DOCK9: variants seen among roughly 807,000 people sequenced by gnomAD.
DOCK9 encodes dedicator of cytokinesis protein 9.
DOCK9 carries 89 observed loss-of-function variants against 263.3 expected under a neutral mutation model. That is an observed-to-expected ratio of 0.34 (90% confidence interval 0.28 to 0.40). The LOEUF is 0.40. Ranked by LOEUF, DOCK9 falls within the 10% of genes least tolerant of loss-of-function variation. The pLI, the probability that DOCK9 is intolerant of heterozygous loss-of-function variation, is 1.00. For synonymous variants in DOCK9, 976 were observed against 973.1 expected, an observed-to-expected ratio of 1.00 and a Z score of -0.06; for missense variants, 2,140 against 2,603.4, an observed-to-expected ratio of 0.82 and a Z score of 3.87.
At chr13:98,997,446 A>G (rs1595865605) in intron 1 of DOCK9, among the ~76,000 whole-genome samples, 1 of 152,206 alleles carries the variant, frequency 6.6e-6, no homozygotes, top group Non-Finnish European at 1.5e-5. Context: ...TTGCCTAAAC[A>G]TCTGTAAAGA....
intron 1 of DOCK9, among the ~76,000 whole-genome samples, chr13:99,015,011 C>G (rs564504611): frequency 8.5e-5 from 13 of 152,322 alleles, no homozygotes; most frequent in African/African-American, 2.6e-4. Flanking sequence ...TTCTCCCCCC[C>G]GCATCAAGGA....
Position 98,794,612 on chromosome 13 carries a change from G to A in DOCK9, c.*14C>T, listed in dbSNP as rs1166193383. 6.4e-7 allele frequency: 1 copy of A among 1,573,796 alleles called. No individual in the cohort carries two copies. The highest frequency in any genetic ancestry group is 1.4e-5 in the African/African-American group (1 of 74,056). On this transcript the variant is annotated 3_prime_UTR_variant, in exon 53 of 53. Transcript: ENST00000682017. ...TGACAAAGCAAGTCCCCACACACGG[G>A]CCATGAGATGTAATCACACGACCGA...
chr13:98,909,483 T>A (rs1174845932), intron 9 of DOCK9, among the ~76,000 whole-genome samples: 1 of 152,228 alleles, frequency 6.6e-6, no homozygotes, highest in Non-Finnish European at 1.5e-5. Context: ...ATGTGTTGAA[T>A]GTTGGGTCAT....
intron 2 of DOCK9, among the ~76,000 whole-genome samples, chr13:98,951,503 C>A (rs1199777512): frequency 6.6e-6 from 1 of 152,218 alleles, no homozygotes; most frequent in Admixed American, 6.5e-5. Flanking sequence ...TCAAAGCCAG[C>A]CCTTCTCAGG....
At chr13:98,964,876 A>G (rs1347632013) in intron 1 of DOCK9, among the ~76,000 whole-genome samples, 2 of 152,212 alleles carry the variant, frequency 1.3e-5, no homozygotes, top group Non-Finnish European at 2.9e-5. Context: ...GGAGCACCGG[A>G]TGGGCCAGTG....
In DOCK9 at chr13:98,868,008, A is replaced by G; in HGVS notation, c.3094T>C (p.Cys1032Arg). 1 of 1,613,292 alleles carries G rather than the reference A, an allele frequency of 6.2e-7. No homozygotes were observed. Among genetic ancestry groups the G allele is most frequent in the African/African-American group, 1.3e-5 (1 of 75,054 alleles). The stretch of plus-strand genomic sequence containing the variant: ...AAGCCCCTGTCCATGAAGGTGAAAC[A>G]TCTCTGTGGAGGAAAACAAGCAAAA... ...NHSLAVFIKR[C>R]FTFMDRGFVF... Residue 1032 changes from cysteine (C) to arginine (R), a missense_variant, in exon 29 of 53, where the codon TGT (cysteine) becomes CGT (arginine). By Grantham distance (180) the Cys-to-Arg change is radical. This residue lies in a region of DOCK9 where 1,521 missense variants were observed against 1,741.7 expected (regional missense o/e 0.87). Transcript: ENST00000682017.
intron 1 of DOCK9, among the ~76,000 whole-genome samples, chr13:98,991,306 G>GTGA (rs1879748023): frequency 1.3e-5 from 2 of 152,034 alleles, no homozygotes; most frequent in African/African-American, 2.4e-5. Context: ...TCCTGACCTC[G>GTGA]TGATGCTCCT....
At chr13:99,021,984 A>G (rs1886169739) in intron 1 of DOCK9, among the ~76,000 whole-genome samples, 1 of 152,208 alleles carries the variant, frequency 6.6e-6, no homozygotes, top group Non-Finnish European at 1.5e-5. Flanking sequence ...TTAAAAAAAG[A>G]CTTTAAATAA....
At chr13:99,036,030 A>AGCCT (rs1044038947) in intron 1 of DOCK9, among the ~76,000 whole-genome samples, 5 of 152,126 alleles carry the variant, frequency 3.3e-5, no homozygotes, top group African/African-American at 7.2e-5. Flanking sequence ...CAGCCTTCCA[A>AGCCT]GCCTGCCTGC....
intron 45 of DOCK9, among the ~76,000 whole-genome samples, chr13:98,811,032 A>C (rs1436527316): frequency 6.6e-6 from 1 of 152,140 alleles, no homozygotes; most frequent in East Asian, 1.9e-4. Flanking sequence ...CATTCATCTC[A>C]TGGCCATGGA....
intron 27 of DOCK9, 135 bp downstream of exon 27, chr13:98,879,763 T>G: frequency 1.6e-6 from 1 of 627,808 alleles, no homozygotes; most frequent in Non-Finnish European, 2.6e-6. Context: ...GAAGCTAAAA[T>G]GATTTATTAC....
At chr13:99,008,248 T>C (rs1444810644) in intron 1 of DOCK9, among the ~76,000 whole-genome samples, 4 of 142,630 alleles carry the variant, frequency 2.8e-5, no homozygotes, top group African/African-American at 1.0e-4. Context: ...TTTTTTTTTT[T>C]TGAGACGAAG....
chr13:98,893,784 G>A (rs528675909), intron 15 of DOCK9, among the ~76,000 whole-genome samples: 181 of 152,298 alleles, frequency 1.2e-3, no homozygotes, highest in South Asian at 4.6e-3. Context: ...AAATGAAAAA[G>A]GAATCCTCCA....
chr13:98,902,030 G>C, intron 12 of DOCK9, 130 bp from the exon 13 acceptor site: 1 of 1,181,886 alleles, frequency 8.5e-7, no homozygotes, highest in Non-Finnish European at 1.2e-6. Flanking sequence ...AAACTAGTTA[G>C]CTGACAAACA....
At position 98,902,480 on chromosome 13, in the gene DOCK9, G is replaced by C. The variant is rs769034683; in HGVS notation, c.1188C>G (p.Phe396Leu). ...EEGPTTNVEP[F>L]FVTLSLFDIK... The stretch of plus-strand genomic sequence containing the variant: ...TGTCAAACAGGGATAGAGTAACAAA[G>C]AAAGGTTCAACCTGAACAAAACAAA... Residue 396 changes from phenylalanine to leucine, a missense_variant, in exon 12 of 53, where the codon TTC becomes TTG. Physicochemically the swap from Phe to Leu is conservative, Grantham distance 22. Around this residue, in one of 2 missense-constraint regions of DOCK9, gnomAD observed 1,521 missense variants for 1,741.7 expected, o/e 0.87. Transcript: ENST00000682017. The C allele has an allele frequency of 5.0e-6, 8 of 1,613,620 alleles. No homozygotes were observed. The highest frequency in any genetic ancestry group is 6.8e-6 in the Non-Finnish European group (8 of 1,179,808).
intron 2 of DOCK9, among the ~76,000 whole-genome samples, chr13:98,949,266 G>A (rs1249852959): frequency 6.6e-6 from 1 of 152,072 alleles, no homozygotes; most frequent in Non-Finnish European, 1.5e-5. Flanking sequence ...AGAGACAACT[G>A]AGTATTTATT....
chr13:98,860,399 C>A lies in DOCK9; in HGVS notation c.3697+6G>T. ...GAGAGAAGCCCACAAGAGCATGGAGCGTTACCAATGCCGGAGATGGCGCCC... is the reference window on the plus strand; with the variant it reads ...GAGAGAAGCCCACAAGAGCATGGAGAGTTACCAATGCCGGAGATGGCGCCC... On this transcript the variant is annotated splice_donor_region_variant and intron_variant, in intron 33 of 52. Coordinates refer to ENST00000682017, the MANE Select transcript of DOCK9 (RefSeq NM_001366683.2). The A allele has an allele frequency of 2.5e-6, 4 of 1,575,498 alleles. No homozygotes were observed. The highest frequency in any genetic ancestry group is 3.5e-6 in the Non-Finnish European group (4 of 1,159,116).
upstream of DOCK9, among the ~76,000 whole-genome samples, chr13:98,979,398 A>C (rs1876513358): frequency 6.6e-6 from 1 of 152,122 alleles, no homozygotes; most frequent in Non-Finnish European, 1.5e-5. Context: ...GAACGCAGCC[A>C]GGAGGGCTCA....
In DOCK9 at chr13:98,831,339, C is replaced by A; in HGVS notation, c.4635+9G>T. The A allele has an allele frequency of 6.3e-7, 1 of 1,597,466 alleles. No homozygotes were observed. Among genetic ancestry groups the A allele is most frequent in the Non-Finnish European group, 8.5e-7 (1 of 1,171,054 alleles). ...GTAAATCTGTATTGGAAAGCTAAAC[C>A]ACACGCACTTGCAAATGTGTCCGGA... On this transcript the variant is annotated intron_variant, in intron 41 of 52. Transcript: ENST00000682017.
Sources: gnomAD v4.1 joint callset for allele counts (sites outside exome capture counted in the v4.1 genomes callset) on GRCh38, gnomAD v4.1.1 for gene constraint, gnomAD v4.1.1 regional missense constraint, MANE v1.5 for transcripts, NCBI Gene and HGNC (gene_info 2026-07-23, HGNC 2026-07-21) for gene names.